IYD: variants seen among roughly 807,000 people sequenced by gnomAD.
IYD encodes iodotyrosine deiodinase, also known as iodotyrosine deiodinase 1.
Under a neutral mutation model 28.4 loss-of-function variants are expected in IYD, and 25 were observed. The observed-to-expected ratio is 0.88, with a 90% CI of 0.64 to 1.23. The LOEUF is 1.23. Ranked by LOEUF, IYD falls within the 50% of genes most tolerant of loss-of-function variation. IYD has a pLI of 0.00. For synonymous variants in IYD, 140 were observed against 130.8 expected (o/e 1.07, Z -0.48); for missense variants, 352 against 357.9 (o/e 0.98, Z 0.13).
intron 1 of IYD, chr6:150,370,326 G>T (rs634670): frequency 0.85 from 152,294 of 178,832 alleles, 64,719 homozygotes; most frequent in East Asian, 0.98. Flanking sequence ...TGCACGAGTG[G>T]GTGAGTGTGC....
Position 150,398,310 on chromosome 6 carries a change from G to C in IYD, c.*73G>C. On this transcript the variant is annotated 3_prime_UTR_variant, in exon 5 of 5. Transcript: ENST00000344419. ...CCTGAGCCTCTCGCCTGCTCCTCTT[G>C]GGTCTCTTGGCTGCTCTTTCTCCAG... The C allele has an allele frequency of 6.8e-7, 1 of 1,463,080 alleles. No homozygotes were observed. Among genetic ancestry groups the C allele is most frequent in the Non-Finnish European group, 9.5e-7 (1 of 1,047,330 alleles). 90.6% of individuals were successfully genotyped at this position (1,463,080 alleles called of 1,614,324 possible).
At chr6:150,374,561 G>A (rs1376934928) in intron 1 of IYD, among the ~76,000 whole-genome samples, 2 of 152,160 alleles carry the variant, frequency 1.3e-5, no homozygotes, top group African/African-American at 2.4e-5. Context: ...TGAGAATCAA[G>A]CGAAAGGGGC....
chr6:150,387,430 A>T (rs1183639322), intron 1 of IYD, among the ~76,000 whole-genome samples: 10 of 14,526 alleles, frequency 6.9e-4, no homozygotes, highest in African/African-American at 4.5e-3. Flanking sequence ...AAGTTCTTGT[A>T]AAAAAAAAAA....
Position 150,398,429 on chromosome 6 carries a change from T to A in IYD, c.*192T>A. On this transcript the variant is annotated 3_prime_UTR_variant, in exon 5 of 5. Transcript: ENST00000344419. Reference sequence around the variant, plus strand: ...GCACTTCCAGTCCCATAAATCCTGTTTCTTATCCACTTTGGAAATGCATGA... The same window carrying A: ...GCACTTCCAGTCCCATAAATCCTGTATCTTATCCACTTTGGAAATGCATGA... 1 of 595,726 alleles carries A rather than the reference T, an allele frequency of 1.7e-6. No homozygotes were observed. The highest frequency in any genetic ancestry group is 3.0e-6 in the Non-Finnish European group (1 of 335,246). The allele number at this position is 595,726 out of a possible 1,614,324, so 36.9% of individuals were successfully genotyped here.
At position 150,405,308 on chromosome 6, in the gene IYD, T is replaced by A. The variant is rs1444013512; in HGVS notation, c.*7071T>A. The stretch of plus-strand genomic sequence containing the variant: ...TGCTTTCTCTGTCCCTCCACTTAGA[T>A]GTTAGTAGGCACCACAACCTTTTAA... On this transcript the variant is annotated 3_prime_UTR_variant, in exon 5 of 5. Transcript: ENST00000344419. 1 of 152,232 alleles carries A rather than the reference T, an allele frequency of 6.6e-6. No homozygotes were observed. The highest frequency in any genetic ancestry group is 1.5e-5 in the Non-Finnish European group (1 of 68,058). 9.4% of individuals were successfully genotyped at this position (152,232 alleles called of 1,614,324 possible). A position where few individuals can be genotyped will look rare whatever the true frequency, so the allele number is the denominator to read the frequency against.
chr6:150,369,254 TTGA>T (rs747724853), intron 1 of IYD, 45 bp downstream of exon 1: 2 of 1,586,538 alleles, frequency 1.3e-6, no homozygotes, highest in Non-Finnish European at 1.7e-6. Flanking sequence ...TCGTGTTGTG[TTGA>T]TGATGAGTGT....
At chr6:150,390,884 C>T (rs893348787) in intron 2 of IYD, among the ~76,000 whole-genome samples, 1 of 152,100 alleles carries the variant, frequency 6.6e-6, no homozygotes, top group African/African-American at 2.4e-5. Flanking sequence ...TGAGAGTTCC[C>T]GAAGTCCCCC....
At chr6:150,383,335 C>T (rs1055365854) in intron 1 of IYD, among the ~76,000 whole-genome samples, 1 of 152,084 alleles carries the variant, frequency 6.6e-6, no homozygotes, top group Non-Finnish European at 1.5e-5. Flanking sequence ...TGTCATCATC[C>T]TTTATCTCAG....
At position 150,389,533 on chromosome 6, in the gene IYD, C is replaced by A; in HGVS notation, c.360C>A (p.Ile120=). The change falls in exon 2 of 5, where the codon ATC becomes ATA. Residue 120 remains isoleucine, a synonymous_variant. Coordinates refer to ENST00000344419, the MANE Select transcript of IYD (RefSeq NM_203395.3). ...CAATGGAAGTCATTGATAATGTCAT[C>A]AGAACGGCAGGTTTGTAATTGCAGA... ...QVPMEVIDNV[I]RTAGTAPSGA... is the part of the protein sequence containing the mutation. 1 of 1,613,832 alleles carries A rather than the reference C, an allele frequency of 6.2e-7. No individual in the cohort carries two copies. Among genetic ancestry groups the A allele is most frequent in the South Asian group, 1.1e-5 (1 of 91,036 alleles).
At chr6:150,397,960 G>A (rs1373862032) in intron 4 of IYD, 95 bp from the exon 5 acceptor site, 1 of 1,197,244 alleles carries the variant, frequency 8.4e-7, no homozygotes, top group South Asian at 1.2e-5. Context: ...GATAGGAAGA[G>A]CAGGTATAAT....
At chr6:150,370,705 G>T (rs2115008939) in intron 1 of IYD, 1 of 979,006 alleles carries the variant, frequency 1.0e-6, no homozygotes, top group Non-Finnish European at 1.2e-6. Context: ...GGATGGTGGG[G>T]GCAGGTGGGA....
chr6:150,385,844 A>G (rs1359122512), intron 1 of IYD, among the ~76,000 whole-genome samples: 1 of 151,840 alleles, frequency 6.6e-6, no homozygotes, highest in East Asian at 1.9e-4. Context: ...TCTATTTTGA[A>G]GTTAGTTTTA....
intron 1 of IYD, among the ~76,000 whole-genome samples, chr6:150,381,112 T>A (rs1777632119): frequency 6.6e-6 from 1 of 152,236 alleles, no homozygotes; most frequent in Non-Finnish European, 1.5e-5. Context: ...CAAAAGTACC[T>A]ATGGCCAGTT....
chr6:150,375,686 A>G (rs1460757209), intron 1 of IYD, among the ~76,000 whole-genome samples: 2 of 152,142 alleles, frequency 1.3e-5, no homozygotes, highest in African/African-American at 4.8e-5. Flanking sequence ...GGATGGCCTC[A>G]CAGGAAGTGG....
chr6:150,387,373 C>T (rs9397302), intron 1 of IYD, among the ~76,000 whole-genome samples: 22,726 of 144,874 alleles, frequency 0.16, 3,379 homozygotes, highest in African/African-American at 0.38. Context: ...CCAGCCTGGG[C>T]AACATAGCAA....
Position 150,374,673 on chromosome 6 carries a change from C to T in IYD, c.178+5464C>T, listed in dbSNP as rs148469192. On this transcript the variant is annotated intron_variant, in intron 1 of 4. Transcript: ENST00000344419. ...GATTCAATTACCTCCCACTAGGTCC[C>T]TCCCACAACACATGGGAATTATGGG... Among the ~76,000 whole-genome samples the T allele has an allele frequency of 4.2e-3, 637 of 152,324 alleles. 2 individuals carry two copies. Among genetic ancestry groups the T allele is most frequent in the African/African-American group, 0.014 (601 of 41,576 alleles).
chr6:150,370,258 C>T lies in IYD; in HGVS notation c.178+1049C>T, dbSNP rs202113865. Among the ~76,000 whole-genome samples the T allele has an allele frequency of 3.4e-3, 410 of 118,962 alleles. 1 individual carries two copies. The highest frequency in any genetic ancestry group is 0.015 in the East Asian group (39 of 2,538). The allele number at this position is 118,962 out of a possible 152,430, so 78.0% of individuals were successfully genotyped here. On this transcript the variant is annotated intron_variant, in intron 1 of 4. Transcript: ENST00000344419. ...GTGTGCATGAGAGTGGATGTGTGTG[C>T]GCGTGCATGTGAGTGTTCATTAATG... is the stretch of plus-strand genomic sequence containing the variant.
Position 150,369,049 on chromosome 6 carries a change from C to T in IYD, c.18C>T (p.Pro6=), listed in dbSNP as rs770847661. The T allele has an allele frequency of 3.1e-6, 5 of 1,613,984 alleles. No individual in the cohort carries two copies. Among genetic ancestry groups the T allele is most frequent in the Non-Finnish European group, 3.4e-6 (4 of 1,179,976 alleles). The change falls in exon 1 of 5, where the codon CCC becomes CCT. Residue 6 remains proline (P), a synonymous_variant. Transcript: ENST00000344419. MYFLT[P]ILVAILCILV... is the part of the protein sequence containing the mutation. ...TCCAGACCATGTATTTCCTGACTCC[C>T]ATCTTGGTAGCCATTCTCTGCATTT...
chr6:150,391,233 CAA>C (rs3842126), intron 2 of IYD, among the ~76,000 whole-genome samples: 1,426 of 114,008 alleles, frequency 0.013, 26 homozygotes, highest in African/African-American at 0.036. Context: ...GAGACGCCAT[CAA>C]AAAAAAAAAA....
Sources: gnomAD v4.1 joint callset for allele counts (sites outside exome capture counted in the v4.1 genomes callset) on GRCh38, gnomAD v4.1.1 for gene constraint, MANE v1.5 for transcripts, NCBI Gene and HGNC (gene_info 2026-07-23, HGNC 2026-07-21) for gene names.